Variants in KBTBD12 observed in about 807,000 individuals in gnomAD.
The protein encoded by KBTBD12 is kelch repeat and BTB domain containing 12.
Under a neutral mutation model 58.7 loss-of-function variants are expected in KBTBD12, and 53 were observed. The ratio of observed to expected loss-of-function variants is 0.90; its 90% CI spans 0.72 to 1.14. The LOEUF is 1.14. Among genes scored for constraint, KBTBD12 ranks in the 50% most tolerant of loss-of-function variants. The pLI, the probability that KBTBD12 is intolerant of heterozygous loss-of-function variation, is 0.00. For synonymous variants in KBTBD12, 236 were observed against 259.8 expected (o/e 0.91, Z 0.88); for missense variants, 704 against 751.3 (o/e 0.94, Z 0.74).
intron 1 of KBTBD12, among the ~76,000 whole-genome samples, chr3:127,919,078 A>G (rs1034832646): frequency 1.3e-5 from 2 of 152,106 alleles, no homozygotes; most frequent in Non-Finnish European, 2.9e-5. Flanking sequence ...CTCCTGTCCT[A>G]TCCACAGACT....
In KBTBD12 at chr3:127,938,616, T is replaced by G. The variant is rs545023398; in HGVS notation, c.1492+8333T>G. 2.6e-5 allele frequency among the ~76,000 whole-genome samples: 4 copies of G among 152,238 alleles called. No homozygotes were observed. The East Asian group carries it at 7.7e-4, about 29-fold the overall frequency. ...AATGGAAATGCACTAAATGCTTCAG[T>G]TAAAAGGCAAAGATTATCCATCTGT... On this transcript the variant is annotated intron_variant, in intron 4 of 5. Transcript: ENST00000405109.
intron 1 of KBTBD12, among the ~76,000 whole-genome samples, chr3:127,920,785 A>C (rs1939385354): frequency 6.6e-6 from 1 of 152,076 alleles, no homozygotes; most frequent in Non-Finnish European, 1.5e-5. Context: ...GAAAGTAATT[A>C]GAGTTTATTC....
chr3:127,962,771 A>T (rs1334763560), intron 4 of KBTBD12, among the ~76,000 whole-genome samples: 1 of 152,184 alleles, frequency 6.6e-6, no homozygotes, highest in Non-Finnish European at 1.5e-5. Flanking sequence ...ATGATAAGGG[A>T]TGGGAAGAAC....
rs1040347832 is a variant in KBTBD12 at position 127,987,478 on chromosome 3, A to G, written c.*3200A>G. On this transcript the variant is annotated 3_prime_UTR_variant, in exon 6 of 6. Coordinates refer to ENST00000405109, the MANE Select transcript of KBTBD12 (RefSeq NM_207335.4). ...CTATCTGCTAATTCTTATCTTTGTGACAGGATTGTTTGACACTGAGCAAGG... is the reference window on the plus strand; with the variant it reads ...CTATCTGCTAATTCTTATCTTTGTGGCAGGATTGTTTGACACTGAGCAAGG... The G allele has an allele frequency of 6.6e-6, 1 of 152,204 alleles. No individual in the cohort carries two copies. The highest frequency in any genetic ancestry group is 2.4e-5 in the African/African-American group (1 of 41,436). The allele number at this position is 152,204 out of a possible 1,614,324, so 9.4% of individuals were successfully genotyped here.
At chr3:127,954,810 A>G (rs965761204) in intron 4 of KBTBD12, among the ~76,000 whole-genome samples, 1 of 152,174 alleles carries the variant, frequency 6.6e-6, no homozygotes, top group Non-Finnish European at 1.5e-5. Context: ...CTTCCTGAAC[A>G]TGCTTTCCTC....
At chr3:127,928,406 G>A (rs919517778) in intron 3 of KBTBD12, among the ~76,000 whole-genome samples, 1 of 152,232 alleles carries the variant, frequency 6.6e-6, no homozygotes, top group Non-Finnish European at 1.5e-5. Context: ...CCTGAGGCAA[G>A]TAACTCATAG....
intron 3 of KBTBD12, 189 bp downstream of exon 3, chr3:127,928,223 G>A: frequency 1.7e-6 from 1 of 574,806 alleles, no homozygotes; most frequent in African/African-American, 1.9e-5. Context: ...TTTTTAAAGT[G>A]TGTTTTCATA....
intron 5 of KBTBD12, among the ~76,000 whole-genome samples, chr3:127,974,455 G>A (rs983265175): frequency 2.0e-5 from 3 of 152,122 alleles, no homozygotes; most frequent in Non-Finnish European, 2.9e-5. Context: ...AGATGCCAGA[G>A]CAGCAGATTG....
chr3:127,947,157 T>C (rs1168509424), intron 4 of KBTBD12, among the ~76,000 whole-genome samples: 1 of 152,238 alleles, frequency 6.6e-6, no homozygotes, highest in Non-Finnish European at 1.5e-5. Context: ...CCTATGCCCA[T>C]GTCTGGTGAT....
chr3:127,971,566 C>T (rs1471125304), intron 5 of KBTBD12, among the ~76,000 whole-genome samples: 2 of 152,182 alleles, frequency 1.3e-5, no homozygotes, highest in Admixed American at 6.5e-5. Flanking sequence ...TCCCCCCATT[C>T]CCTACTATGG....
intron 1 of KBTBD12, 41 bp from the exon 2 acceptor site, chr3:127,922,909 A>T (rs1939453495): frequency 3.5e-6 from 2 of 565,776 alleles, no homozygotes; most frequent in Non-Finnish European, 6.3e-6. Flanking sequence ...ATTATAGAGA[A>T]TTTTTTCTTA....
chr3:127,970,772 A>G (rs1282996413), intron 5 of KBTBD12, among the ~76,000 whole-genome samples: 1 of 152,224 alleles, frequency 6.6e-6, no homozygotes, highest in Admixed American at 6.5e-5. Flanking sequence ...TGTGATTGCC[A>G]GAAAATGGAG....
chr3:127,917,566 A>T (rs898595462), intron 1 of KBTBD12, among the ~76,000 whole-genome samples: 3 of 152,126 alleles, frequency 2.0e-5, no homozygotes, highest in African/African-American at 7.2e-5. Context: ...GAAAGTCCCA[A>T]TGCTCTAATC....
chr3:127,969,596 T>C (rs1169104909), intron 5 of KBTBD12, among the ~76,000 whole-genome samples: 2 of 152,182 alleles, frequency 1.3e-5, no homozygotes, highest in African/African-American at 2.4e-5. Flanking sequence ...CAAGACCATG[T>C]GGTACCAGCA....
At chr3:127,970,268 G>A (rs1940658294) in intron 5 of KBTBD12, among the ~76,000 whole-genome samples, 1 of 152,106 alleles carries the variant, frequency 6.6e-6, no homozygotes, top group African/African-American at 2.4e-5. Context: ...ATGAAAAAAA[G>A]ATAGATAATA....
At position 127,924,166 on chromosome 3, in the gene KBTBD12, TG is replaced by T. The variant is rs1214123967; in HGVS notation, c.1070+36del. On this transcript the variant is annotated intron_variant, in intron 2 of 5. Coordinates refer to ENST00000405109, the MANE Select transcript of KBTBD12 (RefSeq NM_207335.4). The stretch of plus-strand genomic sequence containing the variant: ...TAGCAGCAAATTTGCTTAATTATTT[TG>T]TTTTGATACTAGCAGCAGTAGAAGA... 3.6e-6 allele frequency: 5 copies of T among 1,374,136 alleles called. No individual in the cohort carries two copies. In the African/African-American group the frequency reaches 7.2e-5, roughly 20 times the overall value. 85.1% of individuals were successfully genotyped at this position (1,374,136 alleles called of 1,614,324 possible).
At chr3:127,952,109 T>C (rs540439759) in intron 4 of KBTBD12, among the ~76,000 whole-genome samples, 10 of 152,318 alleles carry the variant, frequency 6.6e-5, no homozygotes, top group East Asian at 1.9e-4. Context: ...AAAGAGTTCT[T>C]TGAAGGAAAA....
chr3:127,957,283 A>G (rs925786116), intron 4 of KBTBD12, among the ~76,000 whole-genome samples: 1 of 152,228 alleles, frequency 6.6e-6, no homozygotes, highest in Non-Finnish European at 1.5e-5. Context: ...TATTTCACAA[A>G]TACTGTCAAG....
chr3:127,920,097 T>G (rs1939361325), intron 1 of KBTBD12, among the ~76,000 whole-genome samples: 2 of 152,174 alleles, frequency 1.3e-5, no homozygotes. Flanking sequence ...ACCCTTCATG[T>G]CTTTATATTC....
Sources: allele counts gnomAD v4.1 joint callset (sites outside exome capture counted in the v4.1 genomes callset), GRCh38; gene constraint gnomAD v4.1.1; transcripts MANE v1.5; gene names NCBI Gene and HGNC (gene_info 2026-07-23, HGNC 2026-07-21).